Variants in RAB39A observed in about 807,000 individuals in gnomAD.
RAB39A encodes the protein RAB39A, member RAS oncogene family, also known as ras-related protein Rab-39A.
A neutral mutation model predicts 20.9 loss-of-function variants in RAB39A; 17 were observed. The observed-to-expected ratio is 0.81, with a 90% CI of 0.56 to 1.22. RAB39A has a LOEUF of 1.22. Among genes scored for constraint, RAB39A ranks in the 50% most tolerant of loss-of-function variants. The probability of loss-of-function intolerance (pLI) is 0.00; values close to 1 mark genes in which losing one functional copy is unlikely to be tolerated. For synonymous variants in RAB39A, 99 were observed against 103.4 expected, an observed-to-expected ratio of 0.96 and a Z score of 0.26; for missense variants, 234 against 270.5, an observed-to-expected ratio of 0.87 and a Z score of 0.95.
At chr11:107,940,703 T>C (rs1474884158) in intron 1 of RAB39A, among the ~76,000 whole-genome samples, 1 of 152,162 alleles carries the variant, frequency 6.6e-6, no homozygotes, top group Non-Finnish European at 1.5e-5. Context: ...CCGGGTGTGG[T>C]GGCTCATGCC....
intron 1 of RAB39A, among the ~76,000 whole-genome samples, chr11:107,938,477 C>T (rs1426942375): frequency 4.7e-5 from 7 of 150,510 alleles, no homozygotes; most frequent in East Asian, 3.9e-4. Context: ...TGCCTGTAAT[C>T]CCAACACTTT....
chr11:107,944,630 C>A (rs1048531312), intron 1 of RAB39A, among the ~76,000 whole-genome samples: 4 of 152,050 alleles, frequency 2.6e-5, no homozygotes, highest in African/African-American at 9.7e-5. Context: ...TGTGATCTGC[C>A]CGCCTCAGCC....
At chr11:107,940,273 TA>T (rs199889378) in intron 1 of RAB39A, among the ~76,000 whole-genome samples, 16 of 150,740 alleles carry the variant, frequency 1.1e-4, no homozygotes, top group African/African-American at 3.7e-4. Flanking sequence ...TTATTATTAT[TA>T]TTTTTTTTTT....
At chr11:107,940,425 G>C (rs1861247553) in intron 1 of RAB39A, among the ~76,000 whole-genome samples, 1 of 151,790 alleles carries the variant, frequency 6.6e-6, no homozygotes, top group African/African-American at 2.4e-5. Context: ...CACCACGCCT[G>C]GCTAATTTTT....
At chr11:107,948,871 T>A (rs1350285493) in intron 1 of RAB39A, among the ~76,000 whole-genome samples, 1 of 152,186 alleles carries the variant, frequency 6.6e-6, no homozygotes, top group Non-Finnish European at 1.5e-5. Flanking sequence ...ACTCTGACCA[T>A]GTAGATACTT....
intron 1 of RAB39A, among the ~76,000 whole-genome samples, chr11:107,935,718 C>T (rs1352847009): frequency 2.0e-5 from 3 of 151,712 alleles, no homozygotes; most frequent in Non-Finnish European, 4.4e-5. Flanking sequence ...TTGCAAGAAT[C>T]GATATTATTA....
At position 107,963,211 on chromosome 11, in the gene RAB39A, C is replaced by G. The variant is rs1861518229; in HGVS notation, c.*839C>G. ...TCAGCCTCCTGAGTAGCTGGAACTG[C>G]AGATGTGCGCCACCATGCCCGGCTA... is the stretch of plus-strand genomic sequence containing the variant. On this transcript the variant is annotated 3_prime_UTR_variant, in exon 2 of 2. Transcript: ENST00000320578. 1 of 152,036 alleles carries G rather than the reference C, an allele frequency of 6.6e-6. No individual in the cohort carries two copies. The allele number at this position is 152,036 out of a possible 1,614,324, so 9.4% of individuals were successfully genotyped here.
chr11:107,958,677 T>C (rs931464210), intron 1 of RAB39A, among the ~76,000 whole-genome samples: 2 of 152,256 alleles, frequency 1.3e-5, no homozygotes, highest in African/African-American at 4.8e-5. Context: ...AGGGTTTTTT[T>C]ATAATGTGTA....
chr11:107,931,517 T>C (rs1435203596), intron 1 of RAB39A, among the ~76,000 whole-genome samples: 2 of 152,234 alleles, frequency 1.3e-5, no homozygotes, highest in Non-Finnish European at 2.9e-5. Context: ...CAGAATGTTT[T>C]ACCTTAAGAT....
In RAB39A at chr11:107,932,993, A is replaced by C. The variant is rs1469995198; in HGVS notation, c.227+4198A>C. On this transcript the variant is annotated intron_variant, in intron 1 of 1. Coordinates refer to ENST00000320578, the MANE Select transcript of RAB39A (RefSeq NM_017516.3). ...CCTAAAGTGCTGGGATTAGTTTAGC[A>C]GTAAAGGAAACGAGAATATTGTTTA... is the stretch of plus-strand genomic sequence containing the variant. 2.6e-5 allele frequency among the ~76,000 whole-genome samples: 4 copies of C among 152,132 alleles called. No individual in the cohort carries two copies. In the South Asian group the frequency reaches 8.3e-4, roughly 32 times the overall value.
At chr11:107,946,725 C>T (rs1398276029) in intron 1 of RAB39A, among the ~76,000 whole-genome samples, 2 of 151,016 alleles carry the variant, frequency 1.3e-5, no homozygotes, top group South Asian at 2.1e-4. Context: ...CCGCCCACCT[C>T]GGCCTCCCAA....
At position 107,928,514 on chromosome 11, in the gene RAB39A, C is replaced by T; in HGVS notation, c.-55C>T. Reference sequence around the variant, plus strand: ...GAGGTGCTGAAAGGACAGTTCCCGCCGCCGAACTTAGCCCGCGGGTGGGGC... The same window carrying T: ...GAGGTGCTGAAAGGACAGTTCCCGCTGCCGAACTTAGCCCGCGGGTGGGGC... On this transcript the variant is annotated 5_prime_UTR_variant, in exon 1 of 2. Transcript: ENST00000320578. This position sits in a 1 kb window ranked among gnomAD's most constrained non-coding sequence, Gnocchi z 4.9. 1 of 1,342,408 alleles carries T rather than the reference C, an allele frequency of 7.4e-7. No homozygotes were observed. The highest frequency in any genetic ancestry group is 9.9e-7 in the Non-Finnish European group (1 of 1,013,006). The allele number at this position is 1,342,408 out of a possible 1,614,324, so 83.2% of individuals were successfully genotyped here. A position where few individuals can be genotyped will look rare whatever the true frequency, so the allele number is the denominator to read the frequency against.
Position 107,962,558 on chromosome 11 carries a change from T to A in RAB39A, c.*186T>A. The stretch of plus-strand genomic sequence containing the variant: ...TGTTACACTACTAGATTGGGTATTT[T>A]GCTAAATTACCAAGCAAAGCAGACA... On this transcript the variant is annotated 3_prime_UTR_variant, in exon 2 of 2. Coordinates refer to ENST00000320578, the MANE Select transcript of RAB39A (RefSeq NM_017516.3). 1 of 522,378 alleles carries A rather than the reference T, an allele frequency of 1.9e-6. No individual in the cohort carries two copies. The highest frequency in any genetic ancestry group is 3.2e-6 in the Non-Finnish European group (1 of 316,614). 32.4% of individuals were successfully genotyped at this position (522,378 alleles called of 1,614,324 possible).
chr11:107,940,277 T>A (rs10890779), intron 1 of RAB39A, among the ~76,000 whole-genome samples: 61,065 of 149,870 alleles, frequency 0.41, 13,630 homozygotes, highest in South Asian at 0.51. Context: ...TATTATTATT[T>A]TTTTTTTAGA....
chr11:107,946,458 ATATTTTTTTTTT>A (rs1565464353), intron 1 of RAB39A, among the ~76,000 whole-genome samples: 29 of 26,722 alleles, frequency 1.1e-3, no homozygotes, highest in Non-Finnish European at 1.5e-3. Context: ...ATATATATAT[ATATTTTTTTTTT>A]TTTTTTTTTT....
chr11:107,950,784 C>CA (rs1268926385), intron 1 of RAB39A, among the ~76,000 whole-genome samples: 1 of 135,810 alleles, frequency 7.4e-6, no homozygotes, highest in Admixed American at 7.4e-5. Context: ...AAAAAAAAGA[C>CA]AAAATCCTTG....
intron 1 of RAB39A, among the ~76,000 whole-genome samples, chr11:107,944,391 G>A (rs921965036): frequency 2.6e-5 from 4 of 152,082 alleles, no homozygotes; most frequent in African/African-American, 9.7e-5. Context: ...AACTCCTGGA[G>A]GTCTGTTAAT....
chr11:107,958,433 A>G (rs1861460420), intron 1 of RAB39A, among the ~76,000 whole-genome samples: 1 of 152,122 alleles, frequency 6.6e-6, no homozygotes, highest in Non-Finnish European at 1.5e-5. Flanking sequence ...TGCTCCCTCA[A>G]CACCTCTGTA....
intron 1 of RAB39A, among the ~76,000 whole-genome samples, chr11:107,932,535 G>A (rs1861148993): frequency 6.6e-6 from 1 of 152,154 alleles, no homozygotes; most frequent in Non-Finnish European, 1.5e-5. Context: ...ACCAAGCAAA[G>A]TTTCTTTTAA....
Sources: gnomAD v4.1 joint callset for allele counts (sites outside exome capture counted in the v4.1 genomes callset) on GRCh38, gnomAD v4.1.1 for gene constraint, Gnocchi (gnomAD v3.1) non-coding constraint, MANE v1.5 for transcripts, NCBI Gene and HGNC (gene_info 2026-07-23, HGNC 2026-07-21) for gene names.